The following PCIF1 variants were observed in gnomAD, a reference collection of about 807,000 sequenced individuals.
The protein encoded by PCIF1 is phosphorylated CTD interacting factor 1.
Under a neutral mutation model 86.9 loss-of-function variants are expected in PCIF1, and 12 were observed. The ratio of observed to expected loss-of-function variants is 0.14; its 90% CI spans 0.09 to 0.22. The LOEUF (loss-of-function observed/expected upper bound fraction) is 0.22. Among genes scored for constraint, PCIF1 ranks in the 10% least tolerant of loss-of-function variants. The pLI is 1.00. For synonymous variants in PCIF1, 397 were observed against 372.0 expected, an observed-to-expected ratio of 1.07 and a Z score of -0.77; for missense variants, 701 against 951.1, an observed-to-expected ratio of 0.74 and a Z score of 3.46.
At chr20:45,945,092 G>C (rs983325602) in intron 11 of PCIF1, 62 bp downstream of exon 11, 2 of 1,496,480 alleles carry the variant, frequency 1.3e-6, no homozygotes, top group African/African-American at 2.8e-5. Flanking sequence ...CTGATGGAAG[G>C]GACAAGTGAG....
chr20:45,937,023 T>C (rs527253333), intron 1 of PCIF1, among the ~76,000 whole-genome samples: 1 of 74,756 alleles, frequency 1.3e-5, no homozygotes, highest in Non-Finnish European at 3.0e-5. Flanking sequence ...CTAGCCCAGC[T>C]CCCAAGTTGC....
chr20:45,941,848 C>T (rs945735519), intron 7 of PCIF1, among the ~76,000 whole-genome samples: 5 of 151,530 alleles, frequency 3.3e-5, no homozygotes, highest in Non-Finnish European at 5.9e-5. Context: ...TGGCCTCCCA[C>T]AGTGCTGGGA....
chr20:45,943,438 T>C lies in PCIF1; in HGVS notation c.905+15T>C, dbSNP rs761766199. The C allele has an allele frequency of 6.2e-7, 1 of 1,609,828 alleles. No homozygotes were observed. The highest frequency in any genetic ancestry group is 2.2e-5 in the East Asian group (1 of 44,812). ...ATCGAGTCCAGGTTTGCCTGTCTTC[T>C]GCCCCAGGCGAGATGGGTCTGTGAT... On this transcript the variant is annotated intron_variant, in intron 9 of 16. Transcript: ENST00000372409. The surrounding 1 kb of genome is among the most constrained non-coding windows in gnomAD (Gnocchi z 5.5).
At chr20:45,945,143 G>T in intron 11 of PCIF1, 113 bp downstream of exon 11, 1 of 1,267,388 alleles carries the variant, frequency 7.9e-7, no homozygotes, top group African/African-American at 1.5e-5. Context: ...GGCAGAACCT[G>T]CCTGTGTCCT....
At position 45,947,005 on chromosome 20, in the gene PCIF1, G is replaced by A. The variant is rs2083534484; in HGVS notation, c.1614-68G>A. Reference sequence around the variant, plus strand: ...TCAGTGTGGCTGCCTAGGGTTGGGGGGTGGCACCTGTTTCTGGTTGAGGGA... The same window carrying A: ...TCAGTGTGGCTGCCTAGGGTTGGGGAGTGGCACCTGTTTCTGGTTGAGGGA... On this transcript the variant is annotated intron_variant, in intron 14 of 16. Transcript: ENST00000372409. The surrounding 1 kb of genome is among the most constrained non-coding windows in gnomAD (Gnocchi z 5.4). The A allele has an allele frequency of 1.5e-6, 2 of 1,356,280 alleles. No individual in the cohort carries two copies. Among genetic ancestry groups the A allele is most frequent in the African/African-American group, 2.9e-5 (2 of 69,112 alleles). The allele number at this position is 1,356,280 out of a possible 1,614,324, so 84.0% of individuals were successfully genotyped here. A position where few individuals can be genotyped will look rare whatever the true frequency, so the allele number is the denominator to read the frequency against.
At chr20:45,946,493 C>T in intron 14 of PCIF1, 109 bp downstream of exon 14, 1 of 1,251,130 alleles carries the variant, frequency 8.0e-7, no homozygotes, top group Non-Finnish European at 1.1e-6. Flanking sequence ...GGAGTCCCTG[C>T]CTCCACCTCT....
In PCIF1 at chr20:45,947,363, G is replaced by A. The variant is rs757958805; in HGVS notation, c.1808G>A (p.Arg603His). The A allele has an allele frequency of 3.1e-6, 5 of 1,613,960 alleles. No individual in the cohort carries two copies. The highest frequency in any genetic ancestry group is 1.1e-5 in the South Asian group (1 of 91,086). The change falls in exon 16 of 17, where the codon CGC (arginine) becomes CAC (histidine). Residue 603 changes from arginine (R) to histidine (H), a missense_variant. This residue lies in a region of PCIF1 where 174 missense variants were observed against 206.9 expected (regional missense o/e 0.84). Transcript: ENST00000372409. This position sits in a 1 kb window ranked among gnomAD's most constrained non-coding sequence, Gnocchi z 5.4. ...GCGCTCACCCGCATGGAGCAGAGCC[G>A]CTTCAAACGCCACCAGTTGATCCTG... ...TPALTRMEQS[R>H]FKRHQLILPA...
chr20:45,945,745 A>T lies in PCIF1; in HGVS notation c.1203A>T (p.Leu401=). The T allele has an allele frequency of 6.2e-7, 1 of 1,613,832 alleles. No homozygotes were observed. The highest frequency in any genetic ancestry group is 2.2e-5 in the East Asian group (1 of 44,872). ...EVEAPEVEPR[L]VYCYPVRLAV... is the part of the protein sequence containing the mutation. Reference sequence around the variant, plus strand: ...AGGCCCCTGAGGTGGAGCCCCGCCTAGTGTACTGCTACCCAGTCCGGCTGG... The same window carrying T: ...AGGCCCCTGAGGTGGAGCCCCGCCTTGTGTACTGCTACCCAGTCCGGCTGG... The change falls in exon 12 of 17, where the codon CTA becomes CTT. Residue 401 remains leucine (L), a synonymous_variant. Coordinates refer to ENST00000372409, the MANE Select transcript of PCIF1 (RefSeq NM_022104.4).
chr20:45,937,396 T>C (rs1417244269), intron 1 of PCIF1, 22 bp from the exon 2 acceptor site: 3 of 399,338 alleles, frequency 7.5e-6, no homozygotes, highest in Non-Finnish European at 1.3e-5. Flanking sequence ...GGTCTGTGAC[T>C]GTTTTCCTAT....
chr20:45,939,315 C>G lies in PCIF1; in HGVS notation c.225C>G (p.Pro75=), dbSNP rs142489010. The change falls in exon 4 of 17, where the codon CCC becomes CCG. Residue 75 remains proline (P), a synonymous_variant. Coordinates refer to ENST00000372409, the MANE Select transcript of PCIF1 (RefSeq NM_022104.4). ...CCAACCAGTCCCTGTGGGAGATGCC[C>G]GTGCTGGGGCAGCACGATGTGATTG... is the stretch of plus-strand genomic sequence containing the variant. ...RFTNQSLWEM[P]VLGQHDVISD... is the part of the protein sequence containing the mutation. The G allele has an allele frequency of 1.2e-6, 2 of 1,613,664 alleles. No individual in the cohort carries two copies. Among genetic ancestry groups the G allele is most frequent in the African/African-American group, 1.3e-5 (1 of 75,048 alleles).
At chr20:45,945,465 C>G (rs886998548) in intron 11 of PCIF1, among the ~76,000 whole-genome samples, 1 of 152,212 alleles carries the variant, frequency 6.6e-6, no homozygotes, top group Non-Finnish European at 1.5e-5. Context: ...GCCTGACAGC[C>G]CAAGGCACGG....
intron 11 of PCIF1, among the ~76,000 whole-genome samples, chr20:45,945,388 T>C (rs2083514449): frequency 6.6e-6 from 1 of 152,158 alleles, no homozygotes; most frequent in Non-Finnish European, 1.5e-5. Flanking sequence ...TCGTCGCTAT[T>C]ACGATGACGG....
chr20:45,937,193 C>T (rs971736983), intron 1 of PCIF1, among the ~76,000 whole-genome samples: 1 of 152,186 alleles, frequency 6.6e-6, no homozygotes, highest in African/African-American at 2.4e-5. Flanking sequence ...TCAGGGCTTT[C>T]CTGAATGTGG....
At chr20:45,939,704 C>G (rs2083454171) in intron 4 of PCIF1, among the ~76,000 whole-genome samples, 1 of 152,128 alleles carries the variant, frequency 6.6e-6, no homozygotes, top group South Asian at 2.1e-4. Context: ...CTGACATACT[C>G]TGGGGAAGGC....
Position 45,940,476 on chromosome 20 carries a change from C to T in PCIF1, c.251C>T (p.Ser84Leu), listed in dbSNP as rs772130243. ...ACTCTGCTGGTCTCCCTCCACCAGT[C>T]GGACCCTTTGGGGCTGAATGCGACC... ...MPVLGQHDVISDPLGLNATPL... is the reference protein window; with the variant it reads ...MPVLGQHDVILDPLGLNATPL... Residue 84 changes from serine (S) to leucine (L), a missense_variant and splice_region_variant, in exon 5 of 17, where the codon TCG becomes TTG. Around this residue, in one of 7 missense-constraint regions of PCIF1, gnomAD observed 31 missense variants for 62.8 expected, o/e 0.49. Transcript: ENST00000372409. The T allele has an allele frequency of 1.3e-6, 2 of 1,599,232 alleles. No individual in the cohort carries two copies. The highest frequency in any genetic ancestry group is 1.1e-5 in the South Asian group (1 of 89,242).
At position 45,940,506 on chromosome 20, in the gene PCIF1, T is replaced by G. The variant is rs1479500254; in HGVS notation, c.281T>G (p.Leu94Arg). The G allele has an allele frequency of 1.2e-6, 2 of 1,607,934 alleles. No individual in the cohort carries two copies. The highest frequency in any genetic ancestry group is 8.5e-7 in the Non-Finnish European group (1 of 1,177,102). The change falls in exon 5 of 17, where the codon CTG (leucine) becomes CGG (arginine). Residue 94 changes from leucine to arginine, a missense_variant. Leu to Arg is a moderately radical substitution (Grantham distance 102). Transcript: ENST00000372409. ...SDPLGLNATP[L>R]PQDSSLVETP... ...CCTTTGGGGCTGAATGCGACCCCAC[T>G]GCCCCAAGACTCAAGCTTGGTGGAA...
chr20:45,935,147 C>G (rs1265576538), intron 1 of PCIF1, among the ~76,000 whole-genome samples: 1 of 150,652 alleles, frequency 6.6e-6, no homozygotes, highest in Non-Finnish European at 1.5e-5. Context: ...GGCGCGCGCG[C>G]GCGCGCCAAA....
chr20:45,938,908 C>G, intron 2 of PCIF1, 73 bp from the exon 3 acceptor site: 1 of 1,570,506 alleles, frequency 6.4e-7, no homozygotes, highest in Non-Finnish European at 8.6e-7. Context: ...TGGGTGGTCA[C>G]TGGGGCCCTG....
intron 7 of PCIF1, 144 bp downstream of exon 7, chr20:45,941,351 G>A (rs2083468123): frequency 2.1e-6 from 2 of 939,476 alleles, no homozygotes; most frequent in African/African-American, 1.7e-5. Flanking sequence ...GAGTGACAGA[G>A]CAAGACCCTC....
Sources: allele counts gnomAD v4.1 joint callset (sites outside exome capture counted in the v4.1 genomes callset), GRCh38; gene constraint gnomAD v4.1.1; regional missense constraint gnomAD v4.1.1; non-coding constraint Gnocchi (gnomAD v3.1); transcripts MANE v1.5; gene names NCBI Gene and HGNC (gene_info 2026-07-23, HGNC 2026-07-21).